SGCZ: variants seen among roughly 807,000 people sequenced by gnomAD.
The protein encoded by SGCZ is zeta-sarcoglycan.
Under a neutral mutation model 41.3 loss-of-function variants are expected in SGCZ, and 40 were observed. The ratio of observed to expected loss-of-function variants is 0.97; its 90% CI spans 0.75 to 1.26. The LOEUF is 1.26. Ranked by LOEUF, SGCZ falls within the 50% of genes most tolerant of loss-of-function variation. The pLI is 0.00. For synonymous variants in SGCZ, 206 were observed against 137.5 expected, an observed-to-expected ratio of 1.50 and a Z score of -3.49; for missense variants, 552 against 369.8, an observed-to-expected ratio of 1.49 and a Z score of -4.04.
intron 1 of SGCZ, among the ~76,000 whole-genome samples, chr8:14,769,893 C>T (rs1307261714): frequency 4.7e-5 from 7 of 149,286 alleles, no homozygotes; most frequent in Non-Finnish European, 7.4e-5. Context: ...AGGTGCAACT[C>T]GATTGGACTC....
intron 1 of SGCZ, among the ~76,000 whole-genome samples, chr8:15,177,997 C>T (rs1461336968): frequency 6.6e-6 from 1 of 152,162 alleles, no homozygotes; most frequent in Admixed American, 6.5e-5. Flanking sequence ...CTCACCACTT[C>T]CTATGACCTC....
intron 2 of SGCZ, among the ~76,000 whole-genome samples, chr8:14,445,212 C>T (rs1800396901): frequency 6.6e-6 from 1 of 152,204 alleles, no homozygotes; most frequent in South Asian, 2.1e-4. Flanking sequence ...CAGTAAAACT[C>T]CACCTTCAAG....
chr8:14,804,470 AG>A (rs1801455235), intron 1 of SGCZ, among the ~76,000 whole-genome samples: 1 of 128,516 alleles, frequency 7.8e-6, no homozygotes, highest in Non-Finnish European at 1.7e-5. Context: ...ACTGGAAGAA[AG>A]GGTATCAGCA....
chr8:14,968,738 T>C (rs1233399119), intron 1 of SGCZ, among the ~76,000 whole-genome samples: 2 of 152,062 alleles, frequency 1.3e-5, no homozygotes, highest in African/African-American at 2.4e-5. Flanking sequence ...TAAAAGAAAA[T>C]AACTTCTTAA....
At chr8:14,914,859 A>G (rs948143077) in intron 1 of SGCZ, among the ~76,000 whole-genome samples, 3 of 152,118 alleles carry the variant, frequency 2.0e-5, no homozygotes, top group African/African-American at 7.2e-5. Flanking sequence ...AGGCCTCACG[A>G]TGTAGAAGAG....
intron 1 of SGCZ, among the ~76,000 whole-genome samples, chr8:15,105,486 G>A (rs1404106554): frequency 6.6e-6 from 1 of 152,102 alleles, no homozygotes; most frequent in Admixed American, 6.6e-5. Context: ...TCTTACCATG[G>A]TGGAGCAGGA....
chr8:15,133,895 A>G (rs1808009741), intron 1 of SGCZ, among the ~76,000 whole-genome samples: 1 of 152,198 alleles, frequency 6.6e-6, no homozygotes, highest in African/African-American at 2.4e-5. Flanking sequence ...TTTTGAGGGA[A>G]GTCTATTTTT....
chr8:14,269,542 T>G (rs1037430431), intron 3 of SGCZ, among the ~76,000 whole-genome samples: 3 of 152,300 alleles, frequency 2.0e-5, no homozygotes, highest in African/African-American at 7.2e-5. Flanking sequence ...GTGACCATGA[T>G]GCACACTCCT....
At chr8:14,480,886 C>T (rs1563357261) in intron 2 of SGCZ, among the ~76,000 whole-genome samples, 1 of 151,970 alleles carries the variant, frequency 6.6e-6, no homozygotes, top group Non-Finnish European at 1.5e-5. Context: ...TGCACTTGTA[C>T]TCCTGAACTT....
At chr8:14,847,541 T>C (rs1236849787) in intron 1 of SGCZ, among the ~76,000 whole-genome samples, 1 of 151,068 alleles carries the variant, frequency 6.6e-6, no homozygotes, top group Non-Finnish European at 1.5e-5. Flanking sequence ...ATAATATCAA[T>C]AGATACAGAA....
At chr8:14,433,303 C>G (rs1351617882) in intron 2 of SGCZ, among the ~76,000 whole-genome samples, 1 of 152,132 alleles carries the variant, frequency 6.6e-6, no homozygotes, top group Non-Finnish European at 1.5e-5. Flanking sequence ...CCGTTTAACA[C>G]CTGTAGTGAT....
intron 1 of SGCZ, among the ~76,000 whole-genome samples, chr8:14,989,950 T>C (rs1403480418): frequency 6.6e-6 from 1 of 151,946 alleles, no homozygotes; most frequent in Non-Finnish European, 1.5e-5. Context: ...CGTGTAGGGA[T>C]GGCTGGTCAA....
intron 1 of SGCZ, among the ~76,000 whole-genome samples, chr8:14,902,526 C>A (rs1247821934): frequency 6.6e-6 from 1 of 152,038 alleles, no homozygotes; most frequent in African/African-American, 2.4e-5. Flanking sequence ...ATAAACCTTG[C>A]TTTCTCAAAA....
chr8:15,150,305 C>T (rs1356837169), intron 1 of SGCZ, among the ~76,000 whole-genome samples: 1 of 152,258 alleles, frequency 6.6e-6, no homozygotes, highest in East Asian at 1.9e-4. Flanking sequence ...GTCAGCTATT[C>T]TGAATATATA....
intron 1 of SGCZ, among the ~76,000 whole-genome samples, chr8:15,091,004 A>T (rs936447243): frequency 6.6e-6 from 1 of 152,200 alleles, no homozygotes; most frequent in African/African-American, 2.4e-5. Flanking sequence ...TATGGCATCT[A>T]CTTGACTGAC....
intron 1 of SGCZ, among the ~76,000 whole-genome samples, chr8:14,713,674 G>T (rs1809594031): frequency 6.9e-6 from 1 of 144,098 alleles, no homozygotes; most frequent in African/African-American, 2.6e-5. Flanking sequence ...CTTAAAAACA[G>T]TAATAACCCC....
chr8:14,847,126 A>AAGAAAGAAGAAGAAGAAG (rs761276429), intron 1 of SGCZ, among the ~76,000 whole-genome samples: 1 of 126,362 alleles, frequency 7.9e-6, no homozygotes, highest in Non-Finnish European at 1.6e-5. Flanking sequence ...GAAGAAGAAG[A>AAGAAAGAAGAAGAAGAAG]AAGAAGAAGA....
At chr8:15,048,776 A>T (rs1804408043) in intron 1 of SGCZ, among the ~76,000 whole-genome samples, 1 of 152,100 alleles carries the variant, frequency 6.6e-6, no homozygotes, top group Admixed American at 6.6e-5. Flanking sequence ...TTATATATAG[A>T]CATATTTATC....
intron 4 of SGCZ, among the ~76,000 whole-genome samples, chr8:14,185,503 T>G (rs990723617): frequency 6.6e-6 from 1 of 152,202 alleles, no homozygotes; most frequent in Admixed American, 6.5e-5. Flanking sequence ...ATACTTTATT[T>G]TTTTTCAAAA....
Sources: gnomAD v4.1 joint callset for allele counts (sites outside exome capture counted in the v4.1 genomes callset) on GRCh38, gnomAD v4.1.1 for gene constraint, MANE v1.5 for transcripts, NCBI Gene and HGNC (gene_info 2026-07-23, HGNC 2026-07-21) for gene names.